LRP1B: variants seen among roughly 807,000 people sequenced by gnomAD.
LRP1B encodes the protein low-density lipoprotein receptor-related protein 1B.
Under a neutral mutation model 556.6 loss-of-function variants are expected in LRP1B, and 217 were observed. The observed-to-expected ratio is 0.39, with a 90% CI of 0.35 to 0.44. LRP1B has a LOEUF of 0.44. LRP1B is among the 20% of genes least tolerant of loss of function. The probability of loss-of-function intolerance (pLI) is 1.00; values close to 1 mark genes in which losing one functional copy is unlikely to be tolerated. For synonymous variants in LRP1B, 2,047 were observed against 1,865.8 expected, an observed-to-expected ratio of 1.10 and a Z score of -2.50; for missense variants, 5,053 against 5,620.8, an observed-to-expected ratio of 0.90 and a Z score of 3.23.
At chr2:140,984,883 G>T (rs1424431619) in intron 17 of LRP1B, among the ~76,000 whole-genome samples, 2 of 151,992 alleles carry the variant, frequency 1.3e-5, no homozygotes, top group Non-Finnish European at 1.5e-5. Context: ...AACCCCCAAG[G>T]ACTGTTTATC....
chr2:141,678,487 A>G (rs1690972847), intron 2 of LRP1B, among the ~76,000 whole-genome samples: 1 of 152,166 alleles, frequency 6.6e-6, no homozygotes, highest in African/African-American at 2.4e-5. Context: ...GATGGGCTCG[A>G]AAAGCATTCA....
intron 29 of LRP1B, among the ~76,000 whole-genome samples, chr2:140,843,089 TTTTTTTTTTTG>T (rs1559151652): frequency 4.4e-4 from 13 of 29,652 alleles, no homozygotes; most frequent in South Asian, 3.5e-3. Context: ...TTGTTTGTTT[TTTTTTTTTTTG>T]TTTTTTTTTT....
chr2:142,119,536 C>A (rs979734329), intron 1 of LRP1B, among the ~76,000 whole-genome samples: 1 of 151,964 alleles, frequency 6.6e-6, no homozygotes, highest in Non-Finnish European at 1.5e-5. Flanking sequence ...AGAGAAAGCA[C>A]CAAAAGAGAA....
chr2:140,975,030 G>C (rs1696549953), intron 18 of LRP1B, among the ~76,000 whole-genome samples: 1 of 152,174 alleles, frequency 6.6e-6, no homozygotes, highest in Non-Finnish European at 1.5e-5. Context: ...GCCATTAAGA[G>C]AGCAGCCTGC....
At chr2:141,502,085 T>A (rs1306156266) in intron 2 of LRP1B, among the ~76,000 whole-genome samples, 3 of 152,130 alleles carry the variant, frequency 2.0e-5, no homozygotes, top group African/African-American at 7.2e-5. Flanking sequence ...AATATAAGAT[T>A]GAGTTGTGTT....
At position 141,266,587 on chromosome 2, in the gene LRP1B, T is replaced by C. The variant is rs116245722; in HGVS notation, c.344-11946A>G. On this transcript the variant is annotated intron_variant, in intron 3 of 90. Transcript: ENST00000389484. ...TAAGAGAATTTCTCATTTTGTGTTA[T>C]GCCTGCAAGTTAAGAAATCACTCAG... is the stretch of plus-strand genomic sequence containing the variant. Among the ~76,000 whole-genome samples, 1,414 of 152,268 alleles carry C rather than the reference T, an allele frequency of 9.3e-3. 15 individuals are homozygous for C. Among genetic ancestry groups the C allele is most frequent in the East Asian group, 0.039 (202 of 5,160 alleles).
intron 77 of LRP1B, among the ~76,000 whole-genome samples, chr2:140,341,431 AC>A (rs1263265345): frequency 6.6e-6 from 1 of 151,504 alleles, no homozygotes; most frequent in Non-Finnish European, 1.5e-5. Flanking sequence ...TCAAATGACA[AC>A]AGAGCCTTTG....
At chr2:141,470,343 G>A (rs563313905) in intron 3 of LRP1B, among the ~76,000 whole-genome samples, 1 of 152,310 alleles carries the variant, frequency 6.6e-6, no homozygotes, top group African/African-American at 2.4e-5. Context: ...GTAAGATTTA[G>A]ACATTGAATA....
At chr2:141,548,151 C>T (rs752979065) in intron 2 of LRP1B, among the ~76,000 whole-genome samples, 1 of 152,150 alleles carries the variant, frequency 6.6e-6, no homozygotes, top group Non-Finnish European at 1.5e-5. Context: ...TTTACCTTTC[C>T]TAATGTCAAT....
intron 2 of LRP1B, among the ~76,000 whole-genome samples, chr2:141,488,632 TA>T (rs1374072423): frequency 2.0e-5 from 3 of 151,820 alleles, no homozygotes. Flanking sequence ...CTAATTCTTT[TA>T]TTTTTTTTGT....
intron 32 of LRP1B, among the ~76,000 whole-genome samples, chr2:140,781,062 T>C (rs1185281673): frequency 2.0e-5 from 3 of 152,212 alleles, no homozygotes; most frequent in Non-Finnish European, 4.4e-5. Context: ...AACCACACTC[T>C]GTTCACACAT....
intron 2 of LRP1B, among the ~76,000 whole-genome samples, chr2:141,769,798 C>A (rs1394819802): frequency 1.1e-5 from 1 of 88,214 alleles, no homozygotes; most frequent in Non-Finnish European, 2.5e-5. Flanking sequence ...CCTCTCAATT[C>A]TTACTATACG....
intron 21 of LRP1B, among the ~76,000 whole-genome samples, chr2:140,913,009 G>T (rs1003416480): frequency 2.6e-5 from 4 of 151,548 alleles, no homozygotes; most frequent in African/African-American, 9.7e-5. Flanking sequence ...GATATGACTG[G>T]CAGTTTATAT....
intron 2 of LRP1B, among the ~76,000 whole-genome samples, chr2:141,533,539 T>G (rs1684964602): frequency 6.6e-6 from 1 of 152,194 alleles, no homozygotes; most frequent in African/African-American, 2.4e-5. Flanking sequence ...TTTCCTAAAC[T>G]GAATCAACTG....
At chr2:141,932,186 G>A (rs1175941684) in intron 1 of LRP1B, among the ~76,000 whole-genome samples, 1 of 151,976 alleles carries the variant, frequency 6.6e-6, no homozygotes, top group Non-Finnish European at 1.5e-5. Context: ...CTAAGATGCA[G>A]ATATATCAGT....
chr2:141,074,589 C>CTA (rs1553456128), intron 7 of LRP1B, among the ~76,000 whole-genome samples: 1,496 of 136,462 alleles, frequency 0.011, 17 homozygotes, highest in East Asian at 0.032. Flanking sequence ...CTCTCTCTCT[C>CTA]TATATATATA....
At chr2:141,713,411 C>A (rs1692443335) in intron 2 of LRP1B, among the ~76,000 whole-genome samples, 1 of 152,096 alleles carries the variant, frequency 6.6e-6, no homozygotes, top group African/African-American at 2.4e-5. Context: ...TGCATTTTAT[C>A]CAAATGAACA....
intron 43 of LRP1B, among the ~76,000 whole-genome samples, chr2:140,596,882 G>T (rs1472580740): frequency 6.6e-6 from 1 of 152,076 alleles, no homozygotes; most frequent in African/African-American, 2.4e-5. Context: ...GAAATATAAA[G>T]TGCTTGGCAC....
intron 2 of LRP1B, among the ~76,000 whole-genome samples, chr2:141,724,985 C>A (rs1454090229): frequency 6.6e-6 from 1 of 151,864 alleles, no homozygotes; most frequent in African/African-American, 2.4e-5. Flanking sequence ...AACTGCCCTT[C>A]CCAATCCCGC....
Sources: gnomAD v4.1 joint callset for allele counts (sites outside exome capture counted in the v4.1 genomes callset) on GRCh38, gnomAD v4.1.1 for gene constraint, MANE v1.5 for transcripts, NCBI Gene and HGNC (gene_info 2026-07-23, HGNC 2026-07-21) for gene names.